Variants in SERP2 observed in about 807,000 individuals in gnomAD.
SERP2 encodes the protein stress associated endoplasmic reticulum protein family member 2.
In SERP2, 6 loss-of-function variants were observed where a neutral mutation model predicts 9.1. The ratio of observed to expected loss-of-function variants is 0.66; its 90% confidence interval spans 0.36 to 1.30. The LOEUF is 1.30. Among genes scored for constraint, SERP2 ranks in the 50% most tolerant of loss-of-function variants. SERP2 has a pLI of 0.03. For synonymous variants in SERP2, 37 were observed against 27.3 expected, an observed-to-expected ratio of 1.35 and a Z score of -1.10; for missense variants, 58 against 81.9, an observed-to-expected ratio of 0.71 and a Z score of 1.13.
chr13:44,378,521 G>A (rs1871788953), intron 1 of SERP2, among the ~76,000 whole-genome samples: 1 of 152,198 alleles, frequency 6.6e-6, no homozygotes, highest in Non-Finnish European at 1.5e-5. Context: ...TGGGTTTTAT[G>A]AGATCAACCA....
chr13:44,392,314 C>T (rs1872829739), intron 2 of SERP2, among the ~76,000 whole-genome samples: 1 of 150,896 alleles, frequency 6.6e-6, no homozygotes, highest in African/African-American at 2.4e-5. Context: ...CAGGTCTGGA[C>T]AGGGACCATG....
At chr13:44,388,834 G>A (rs1423057120) in intron 2 of SERP2, among the ~76,000 whole-genome samples, 1 of 152,182 alleles carries the variant, frequency 6.6e-6, no homozygotes, top group Non-Finnish European at 1.5e-5. Flanking sequence ...GTCTCTCCCT[G>A]TATGAATGTG....
chr13:44,395,506 A>T (rs1169019278), intron 2 of SERP2, among the ~76,000 whole-genome samples: 1 of 149,846 alleles, frequency 6.7e-6, no homozygotes, highest in Non-Finnish European at 1.5e-5. Context: ...CGGGAGCCTG[A>T]GGCAGGAGAA....
chr13:44,396,612 G>C (rs1873119721), intron 2 of SERP2, among the ~76,000 whole-genome samples: 1 of 152,158 alleles, frequency 6.6e-6, no homozygotes, highest in Non-Finnish European at 1.5e-5. Context: ...TATGTAACCA[G>C]CTCTCATCCA....
Position 44,397,453 on chromosome 13 carries a change from C to T in SERP2, c.*141C>T, listed in dbSNP as rs1873184609. The T allele has an allele frequency of 7.4e-6, 5 of 674,840 alleles. No individual in the cohort carries two copies. Among genetic ancestry groups the T allele is most frequent in the Non-Finnish European group, 1.3e-5 (5 of 382,844 alleles). 41.8% of individuals were successfully genotyped at this position (674,840 alleles called of 1,614,324 possible). On this transcript the variant is annotated 3_prime_UTR_variant, in exon 3 of 3. Transcript: ENST00000379179. ...CCCACTTGTTCCCTGATCACTTCAT[C>T]GTGGATGTCAGACCAAATTGCCTTC...
chr13:44,397,462 C>A lies in SERP2; in HGVS notation c.*150C>A. On this transcript the variant is annotated 3_prime_UTR_variant, in exon 3 of 3. Coordinates refer to ENST00000379179, the MANE Select transcript of SERP2 (RefSeq NM_001010897.3). ...TCCCTGATCACTTCATCGTGGATGT[C>A]AGACCAAATTGCCTTCTCACAGGAC... is the stretch of plus-strand genomic sequence containing the variant. 1.5e-6 allele frequency: 1 copy of A among 651,968 alleles called. No homozygotes were observed. The highest frequency in any genetic ancestry group is 1.8e-5 in the African/African-American group (1 of 55,212). The allele number at this position is 651,968 out of a possible 1,614,324, so 40.4% of individuals were successfully genotyped here.
At chr13:44,395,788 T>C (rs1421484990) in intron 2 of SERP2, 5 of 456,888 alleles carry the variant, frequency 1.1e-5, no homozygotes, top group African/African-American at 6.0e-5. Context: ...TAACAGTTTC[T>C]GTTTTCAGCT....
At chr13:44,390,395 A>C (rs1180086670) in intron 2 of SERP2, 1 of 455,074 alleles carries the variant, frequency 2.2e-6, no homozygotes, top group Non-Finnish European at 4.4e-6. Context: ...AGACTGCCAG[A>C]ACTTTCTCAA....
intron 2 of SERP2, among the ~76,000 whole-genome samples, chr13:44,386,670 A>G (rs1181586511): frequency 3.3e-5 from 5 of 152,262 alleles, no homozygotes; most frequent in African/African-American, 9.6e-5. Context: ...GGCGTGAGCC[A>G]CCACACCCAG....
At chr13:44,375,049 A>G (rs912608311) in intron 1 of SERP2, among the ~76,000 whole-genome samples, 2 of 152,162 alleles carry the variant, frequency 1.3e-5, no homozygotes, top group Non-Finnish European at 2.9e-5. Flanking sequence ...ATTCAGAGGC[A>G]TGAGTCGCAT....
intron 2 of SERP2, among the ~76,000 whole-genome samples, chr13:44,396,237 T>C (rs1368848288): frequency 6.6e-6 from 1 of 152,104 alleles, no homozygotes; most frequent in African/African-American, 2.4e-5. Context: ...GTCTGACACA[T>C]AGGATGTGCT....
chr13:44,390,656 A>C lies in SERP2; in HGVS notation c.158-6616A>C, dbSNP rs576967858. On this transcript the variant is annotated intron_variant, in intron 2 of 2. Transcript: ENST00000379179. ...TCTCTCTCAGAAGCATCTTTCTGTTATTTTAATGCGGATAGAAAGCTTTAC... is the reference window on the plus strand; with the variant it reads ...TCTCTCTCAGAAGCATCTTTCTGTTCTTTTAATGCGGATAGAAAGCTTTAC... 1.2e-4 allele frequency: 23 copies of C among 195,600 alleles called. 2 individuals are homozygous for C. The South Asian group carries it at 1.7e-3, about 14-fold the overall frequency. 12.1% of individuals were successfully genotyped at this position (195,600 alleles called of 1,614,324 possible).
Position 44,374,058 on chromosome 13 carries a change from C to T in SERP2, c.33C>T (p.Asn11=), listed in dbSNP as rs531107294. The stretch of plus-strand genomic sequence containing the variant: ...CCAAACAGCGGATCCGGATGGCTAA[C>T]GAGAAGCACAGCAAAAACATCACCC... The part of the protein sequence containing the change: MVAKQRIRMA[N]EKHSKNITQR... Residue 11 remains asparagine, a synonymous_variant, in exon 1 of 3, where the codon AAC becomes AAT. Transcript: ENST00000379179. The T allele has an allele frequency of 1.4e-5, 23 of 1,589,454 alleles. No individual in the cohort carries two copies. The South Asian group carries it at 2.4e-4, about 16-fold the overall frequency.
At chr13:44,390,296 T>TTC in intron 2 of SERP2, 3 of 188,776 alleles carry the variant, frequency 1.6e-5, no homozygotes, top group South Asian at 1.0e-4. Flanking sequence ...GCCACCGGTG[T>TTC]CCCCACCCAC....
chr13:44,393,530 C>A (rs111776688), intron 2 of SERP2, among the ~76,000 whole-genome samples: 1 of 152,188 alleles, frequency 6.6e-6, no homozygotes, highest in African/African-American at 2.4e-5. Context: ...ACGCCCTGAT[C>A]GCCTGCCCTG....
In SERP2 at chr13:44,374,033, C is replaced by A; in HGVS notation, c.8C>A (p.Ala3Asp). ...TTTCAGAGCGCACAAGCCATGGTGGCCAAACAGCGGATCCGGATGGCTAAC... is the reference window on the plus strand; with the variant it reads ...TTTCAGAGCGCACAAGCCATGGTGGACAAACAGCGGATCCGGATGGCTAAC... Reference protein sequence around the residue: MVAKQRIRMANEK... With the variant: MVDKQRIRMANEK... Residue 3 changes from alanine (A) to aspartate (D), a missense_variant, in exon 1 of 3, where the codon GCC becomes GAC. Transcript: ENST00000379179. The A allele has an allele frequency of 6.3e-7, 1 of 1,594,416 alleles. No homozygotes were observed.
At chr13:44,396,363 A>G (rs1001648249) in intron 2 of SERP2, among the ~76,000 whole-genome samples, 9 of 151,846 alleles carry the variant, frequency 5.9e-5, no homozygotes, top group Non-Finnish European at 8.8e-5. Context: ...GAGAAGGGGT[A>G]AGACCCCTGA....
chr13:44,375,071 C>T (rs768324338), intron 1 of SERP2, among the ~76,000 whole-genome samples: 46 of 152,128 alleles, frequency 3.0e-4, no homozygotes, highest in Non-Finnish European at 4.3e-4. Context: ...GGTAGTTTGG[C>T]GAAGTTGGTC....
rs945837259 is a variant in SERP2 at position 44,397,564 on chromosome 13, G to A, written c.*252G>A. On this transcript the variant is annotated 3_prime_UTR_variant, in exon 3 of 3. Coordinates refer to ENST00000379179, the MANE Select transcript of SERP2 (RefSeq NM_001010897.3). ...GGCAGGATTAGTAGCCACGCGGGTC[G>A]TCCGCAGCAGTGCTGTTTTTTTGGT... is the stretch of plus-strand genomic sequence containing the variant. 42 of 545,362 alleles carry A rather than the reference G, an allele frequency of 7.7e-5. No individual in the cohort carries two copies. The South Asian group carries it at 8.8e-4, about 11-fold the overall frequency. The allele number at this position is 545,362 out of a possible 1,614,324, so 33.8% of individuals were successfully genotyped here.
Sources: allele counts gnomAD v4.1 joint callset (sites outside exome capture counted in the v4.1 genomes callset), GRCh38; gene constraint gnomAD v4.1.1; transcripts MANE v1.5; gene names NCBI Gene and HGNC (gene_info 2026-07-23, HGNC 2026-07-21).